Variants in RIN3 observed in about 807,000 individuals in gnomAD.
RIN3 encodes the protein Ras and Rab interactor 3.
A neutral mutation model predicts 76.3 loss-of-function variants in RIN3; 54 were observed. That is an observed-to-expected ratio of 0.71 (90% CI 0.57 to 0.89). RIN3 has a LOEUF of 0.89. Ranked by LOEUF, RIN3 falls within the 40% of genes least tolerant of loss-of-function variation. RIN3 has a pLI of 0.00. For synonymous variants in RIN3, 576 were observed against 564.0 expected (o/e 1.02, Z -0.30); for missense variants, 1,256 against 1,322.1 (o/e 0.95, Z 0.78).
rs1033601751 is a variant in RIN3, at chr14:92,681,331, C to G, written c.2468-3656C>G. On this transcript the variant is annotated intron_variant, in intron 8 of 9. Coordinates refer to ENST00000216487, the MANE Select transcript of RIN3 (RefSeq NM_024832.5). The surrounding 1 kb of genome is among the most constrained non-coding windows in gnomAD (Gnocchi z 4.7). ...AGAGGCCTCACGAAGAAGTCAGACT[C>G]CAGCACCAAGAGTGCAGCAGTAGGG... 1.4e-5 allele frequency among the ~76,000 whole-genome samples: 1 copy of G among 69,890 alleles called. No homozygotes were observed. The highest frequency in any genetic ancestry group is 1.2e-4 in the Admixed American group (1 of 8,262). The allele number at this position is 69,890 out of a possible 152,430, so 45.9% of individuals were successfully genotyped here. A position where few individuals can be genotyped will look rare whatever the true frequency, so the allele number is the denominator to read the frequency against.
In RIN3 at chr14:92,576,111, C is replaced by T. The variant is rs530082639; in HGVS notation, c.250-1249C>T. 21 of 734,502 alleles carry T rather than the reference C, an allele frequency of 2.9e-5. No individual in the cohort carries two copies. In the East Asian group the frequency reaches 1.3e-3, roughly 47 times the overall value. 45.5% of individuals were successfully genotyped at this position (734,502 alleles called of 1,614,324 possible). A position where few individuals can be genotyped will look rare whatever the true frequency, so the allele number is the denominator to read the frequency against. ...GGAAGACATGGACCAAGTCCTTCCC[C>T]TATGGAGGGATGCCCCCTCCCCCTT... On this transcript the variant is annotated intron_variant, in intron 2 of 9. Coordinates refer to ENST00000216487, the MANE Select transcript of RIN3 (RefSeq NM_024832.5).
intron 1 of RIN3, among the ~76,000 whole-genome samples, chr14:92,515,717 T>C (rs1481026141): frequency 6.6e-6 from 1 of 152,176 alleles, no homozygotes; most frequent in Non-Finnish European, 1.5e-5. Flanking sequence ...CACATAGAAT[T>C]GTTTCGTGGA....
At chr14:92,532,548 A>G (rs1247073684) in intron 1 of RIN3, among the ~76,000 whole-genome samples, 3 of 152,096 alleles carry the variant, frequency 2.0e-5, no homozygotes, top group Non-Finnish European at 4.4e-5. Flanking sequence ...GAAGTTATTT[A>G]CCATGGTGCA....
At position 92,652,063 on chromosome 14, in the gene RIN3, G is replaced by C; in HGVS notation, c.1014G>C (p.Met338Ile). 3.1e-6 allele frequency: 5 copies of C among 1,600,496 alleles called. No homozygotes were observed. Among genetic ancestry groups the C allele is most frequent in the Non-Finnish European group, 4.2e-6 (5 of 1,179,364 alleles). ...GPPDHPNQPP[M>I]MTCERLPCPT... ...CAGACCATCCGAACCAGCCGCCCAT[G>C]ATGACCTGCGAGAGACTCCCATGCC... The change falls in exon 6 of 10, where the codon ATG becomes ATC. Residue 338 changes from methionine to isoleucine, a missense_variant. Around this residue, in one of 3 missense-constraint regions of RIN3, gnomAD observed 610 missense variants for 626.4 expected, o/e 0.97. Coordinates refer to ENST00000216487, the MANE Select transcript of RIN3 (RefSeq NM_024832.5). The surrounding 1 kb of genome is among the most constrained non-coding windows in gnomAD (Gnocchi z 6.4).
chr14:92,667,705 G>A (rs1232863978), intron 7 of RIN3, among the ~76,000 whole-genome samples: 1 of 152,146 alleles, frequency 6.6e-6, no homozygotes, highest in African/African-American at 2.4e-5. Flanking sequence ...TGCTGGATAA[G>A]CCCTCTCATC....
chr14:92,672,198 G>A (rs773565708), intron 7 of RIN3, among the ~76,000 whole-genome samples: 1 of 152,004 alleles, frequency 6.6e-6, no homozygotes, highest in African/African-American at 2.4e-5. Context: ...TTGAGGTCAG[G>A]AGTTTGAGAC....
chr14:92,637,299 A>G (rs544039262), intron 4 of RIN3, among the ~76,000 whole-genome samples: 2 of 152,094 alleles, frequency 1.3e-5, no homozygotes, highest in South Asian at 2.1e-4. Context: ...AAGAAGCACA[A>G]AACCTAGACC....
chr14:92,520,088 T>C (rs192639926), intron 1 of RIN3, among the ~76,000 whole-genome samples: 43 of 152,358 alleles, frequency 2.8e-4, no homozygotes, highest in African/African-American at 9.1e-4. Context: ...CCTGCCCCAA[T>C]TTGACCTCAG....
intron 2 of RIN3, chr14:92,576,281 C>T (rs1898226258): frequency 1.6e-6 from 2 of 1,289,444 alleles, no homozygotes; most frequent in Non-Finnish European, 2.0e-6. Context: ...TCCCGCTCCC[C>T]ATGCTTGCCT....
intron 7 of RIN3, among the ~76,000 whole-genome samples, chr14:92,662,135 G>A (rs1474974802): frequency 6.6e-6 from 1 of 152,224 alleles, no homozygotes; most frequent in East Asian, 1.9e-4. Context: ...GACATGAGGC[G>A]GAGGGTTAAG....
At chr14:92,525,779 A>G (rs8016124) in intron 1 of RIN3, among the ~76,000 whole-genome samples, 19,760 of 152,148 alleles carry the variant, frequency 0.13, 4,314 homozygotes, top group African/African-American at 0.45. Context: ...ATGGCACTGC[A>G]CCAGCCAGAA....
Position 92,688,054 on chromosome 14 carries a change from G to T in RIN3, c.2760G>T (p.Ala920=). ...AGTTCGCGGTGGAGCGGCCGCAGGC[G>T]CACCGGCTGTTCGTGCTGGTGGACG... ...AEKFAVERPQ[A]HRLFVLVDGR... Residue 920 remains alanine, a synonymous_variant, in exon 10 of 10, where the codon GCG becomes GCT. Transcript: ENST00000216487. The T allele has an allele frequency of 6.2e-7, 1 of 1,601,330 alleles. No individual in the cohort carries two copies. The highest frequency in any genetic ancestry group is 8.5e-7 in the Non-Finnish European group (1 of 1,175,414).
rs75739656 is a variant in RIN3 at position 92,657,968 on chromosome 14, T to G, written c.2027-1193T>G. ...GGTGTCTCCTTACAGGAACAGGGCT[T>G]GGGACCTCCCCTTACTCAGCCCGTA... On this transcript the variant is annotated intron_variant, in intron 6 of 9. Coordinates refer to ENST00000216487, the MANE Select transcript of RIN3 (RefSeq NM_024832.5). Among the ~76,000 whole-genome samples, 1,468 of 152,290 alleles carry G rather than the reference T, an allele frequency of 9.6e-3. 16 individuals are homozygous for G. The highest frequency in any genetic ancestry group is 0.033 in the African/African-American group (1,357 of 41,552).
intron 2 of RIN3, among the ~76,000 whole-genome samples, chr14:92,569,637 T>A (rs1898011162): frequency 1.3e-5 from 2 of 151,822 alleles, no homozygotes; most frequent in East Asian, 3.9e-4. Flanking sequence ...AGGGTCCATG[T>A]CCGAACAAAG....
Position 92,610,783 on chromosome 14 carries a change from C to G in RIN3, c.368-4624C>G, listed in dbSNP as rs117422648. On this transcript the variant is annotated intron_variant, in intron 3 of 9. Coordinates refer to ENST00000216487, the MANE Select transcript of RIN3 (RefSeq NM_024832.5). ...AGGAGATAGGGAAGAAAATGCCCAG[C>G]CAACAGACAGGATTTCTGTTGAGGA... 3.5e-3 allele frequency among the ~76,000 whole-genome samples: 528 copies of G among 152,218 alleles called. 2 individuals carry two copies. The highest frequency in any genetic ancestry group is 5.3e-3 in the Non-Finnish European group (360 of 68,028).
chr14:92,643,031 C>A lies in RIN3; in HGVS notation c.532+1702C>A, dbSNP rs564003949. On this transcript the variant is annotated intron_variant, in intron 5 of 9. Transcript: ENST00000216487. This position sits in a 1 kb window ranked among gnomAD's most constrained non-coding sequence, Gnocchi z 4.8. ...GAACCCAGGCCGTTTAGCTCCCACACCTGCCATCGTCTCATGGTGCCTCTT... is the reference window on the plus strand; with the variant it reads ...GAACCCAGGCCGTTTAGCTCCCACAACTGCCATCGTCTCATGGTGCCTCTT... Among the ~76,000 whole-genome samples the A allele has an allele frequency of 6.6e-6, 1 of 152,208 alleles. No individual in the cohort carries two copies. Among genetic ancestry groups the A allele is most frequent in the South Asian group, 2.1e-4 (1 of 4,824 alleles).
rs902930095 is a variant in RIN3 at position 92,623,600 on chromosome 14, C to T, written c.440+8121C>T. On this transcript the variant is annotated intron_variant, in intron 4 of 9. Transcript: ENST00000216487. This position sits in a 1 kb window ranked among gnomAD's most constrained non-coding sequence, Gnocchi z 4.9. ...TCCTTGAGGGGCCTCTCTTGTTTTA[C>T]GGCGTTGTGGTTTCTTTTTTTCTGG... Among the ~76,000 whole-genome samples, 3 of 152,152 alleles carry T rather than the reference C, an allele frequency of 2.0e-5. No individual in the cohort carries two copies. Among genetic ancestry groups the T allele is most frequent in the Admixed American group, 6.5e-5 (1 of 15,276 alleles).
At chr14:92,602,183 A>T (rs1885371500) in intron 3 of RIN3, among the ~76,000 whole-genome samples, 1 of 152,206 alleles carries the variant, frequency 6.6e-6, no homozygotes, top group Non-Finnish European at 1.5e-5. Context: ...CCAGGGCCAG[A>T]GCTGGGCCTG....
In RIN3 at chr14:92,639,141, C is replaced by T. The variant is rs146770368; in HGVS notation, c.441-2097C>T. On this transcript the variant is annotated intron_variant, in intron 4 of 9. Transcript: ENST00000216487. ...GCTAAGCACTGCGGGGCTTTGGAGA[C>T]CTGGAAGGCAGCCCAGACCCGTTCC... 3.2e-3 allele frequency among the ~76,000 whole-genome samples: 480 copies of T among 152,350 alleles called. 2 individuals are homozygous for T. The highest frequency in any genetic ancestry group is 5.7e-3 in the Non-Finnish European group (388 of 68,040).
Sources: allele counts gnomAD v4.1 joint callset (sites outside exome capture counted in the v4.1 genomes callset), GRCh38; gene constraint gnomAD v4.1.1; regional missense constraint gnomAD v4.1.1; non-coding constraint Gnocchi (gnomAD v3.1); transcripts MANE v1.5; gene names NCBI Gene and HGNC (gene_info 2026-07-23, HGNC 2026-07-21).